The following RNF31 variants were observed in gnomAD, a reference collection of about 807,000 sequenced individuals.
The protein encoded by RNF31 is ring finger protein 31.
In RNF31, 38 loss-of-function variants were observed where a neutral mutation model predicts 133.6. The ratio of observed to expected loss-of-function variants is 0.28; its 90% CI spans 0.22 to 0.37. The LOEUF (loss-of-function observed/expected upper bound fraction) is 0.37. RNF31 is among the 10% of genes least tolerant of loss of function. The pLI is 1.00. For missense variants in RNF31, 1,118 were observed against 1,394.1 expected (o/e 0.80, Z 3.15); for synonymous variants, 582 against 552.3 (o/e 1.05, Z -0.75).
At chr14:24,152,247 C>G (rs1365054785) in intron 11 of RNF31, among the ~76,000 whole-genome samples, 2 of 152,146 alleles carry the variant, frequency 1.3e-5, no homozygotes, top group Non-Finnish European at 2.9e-5. Flanking sequence ...TACCCCCCTG[C>G]AACCCCTCCA....
intron 6 of RNF31, 37 bp from the exon 7 acceptor site, chr14:24,150,024 G>A: frequency 4.6e-6 from 7 of 1,519,100 alleles, no homozygotes; most frequent in Non-Finnish European, 6.2e-6. Context: ...GGCACCAGGT[G>A]CCACTTCAGC....
chr14:24,149,996 T>C, intron 6 of RNF31, 65 bp from the exon 7 acceptor site: 1 of 1,507,070 alleles, frequency 6.6e-7, no homozygotes, highest in Non-Finnish European at 8.8e-7. Flanking sequence ...TGGAGAATGC[T>C]TAGAGGTGAG....
chr14:24,146,926 T>C (rs945278679), upstream of RNF31: 2 of 389,170 alleles, frequency 5.1e-6, no homozygotes, highest in Non-Finnish European at 9.5e-6. Context: ...GGTGGGAGTA[T>C]GGCAAAGGGG....
chr14:24,150,922 G>A, intron 8 of RNF31, 34 bp downstream of exon 8: 2 of 1,536,138 alleles, frequency 1.3e-6, no homozygotes, highest in Non-Finnish European at 1.8e-6. Context: ...GTAGGGCTGA[G>A]CTGGTCTGGG....
chr14:24,147,527 G>A lies in RNF31; in HGVS notation c.-172G>A. ...TACTTCCTGTTCTCGGCTAACCCTGGCGCTGGGCCGGGGGCTGGAGAGTGA... is the reference window on the plus strand; with the variant it reads ...TACTTCCTGTTCTCGGCTAACCCTGACGCTGGGCCGGGGGCTGGAGAGTGA... On this transcript the variant is annotated 5_prime_UTR_variant, in exon 1 of 21. Transcript: ENST00000324103. The A allele has an allele frequency of 2.0e-6, 1 of 503,582 alleles. No homozygotes were observed. Among genetic ancestry groups the A allele is most frequent in the Non-Finnish European group, 3.3e-6 (1 of 306,914 alleles). 31.2% of individuals were successfully genotyped at this position (503,582 alleles called of 1,614,324 possible).
Position 24,155,842 on chromosome 14 carries a change from G to A in RNF31, c.2493+150G>A. 2 of 641,288 alleles carry A rather than the reference G, an allele frequency of 3.1e-6. No homozygotes were observed. The highest frequency in any genetic ancestry group is 1.8e-5 in the South Asian group (1 of 54,220). The allele number at this position is 641,288 out of a possible 1,614,324, so 39.7% of individuals were successfully genotyped here. ...GACTACTCAGAAAGACTAGGCACAAGGAGAAAGGGAAGCAGAGGGAGGGAG... is the reference window on the plus strand; with the variant it reads ...GACTACTCAGAAAGACTAGGCACAAAGAGAAAGGGAAGCAGAGGGAGGGAG... On this transcript the variant is annotated intron_variant, in intron 14 of 20. Coordinates refer to ENST00000324103, the MANE Select transcript of RNF31 (RefSeq NM_017999.5). This position sits in a 1 kb window ranked among gnomAD's most constrained non-coding sequence, Gnocchi z 4.9.
chr14:24,150,019 C>G (rs1233057834), intron 6 of RNF31, 42 bp from the exon 7 acceptor site: 1 of 1,518,200 alleles, frequency 6.6e-7, no homozygotes, highest in East Asian at 2.3e-5. Flanking sequence ...ATCCAGGCAC[C>G]AGGTGCCACT....
intron 18 of RNF31, among the ~76,000 whole-genome samples, chr14:24,159,229 C>A (rs2038400404): frequency 6.6e-6 from 1 of 151,392 alleles, no homozygotes; most frequent in Non-Finnish European, 1.5e-5. Context: ...CACCTGTAAT[C>A]CCACCTACTC....
In RNF31 at chr14:24,151,486, T is replaced by C. The variant is rs2038265532; in HGVS notation, c.1739T>C (p.Val580Ala). The change falls in exon 10 of 21, where the codon GTG (valine) becomes GCG (alanine). Residue 580 changes from valine (V) to alanine (A), a missense_variant and splice_region_variant. By Grantham distance (64) the Val-to-Ala change is moderately conservative. This residue lies in a region of RNF31 where 747 missense variants were observed against 827.9 expected (regional missense o/e 0.90). Coordinates refer to ENST00000324103, the MANE Select transcript of RNF31 (RefSeq NM_017999.5). This position sits in a 1 kb window ranked among gnomAD's most constrained non-coding sequence, Gnocchi z 5.3. ...CCCCTTGCCACTCCCATCTTGCAGG[T>C]GCAGGAGCTCCAGTCTCTAGGCTTT... ...EECVRTRRRKVQELQSLGFGP... is the reference protein window; with the variant it reads ...EECVRTRRRKAQELQSLGFGP... 3.1e-6 allele frequency: 5 copies of C among 1,614,122 alleles called. No individual in the cohort carries two copies. The highest frequency in any genetic ancestry group is 3.4e-6 in the Non-Finnish European group (4 of 1,179,950).
Position 24,147,837 on chromosome 14 carries a change from C to G in RNF31, c.139C>G (p.Arg47Gly), listed in dbSNP as rs752362112. 3.1e-6 allele frequency: 5 copies of G among 1,609,168 alleles called. No individual in the cohort carries two copies. The African/African-American group carries it at 5.3e-5, about 17-fold the overall frequency. ...AGCCAGCTCTCTGCCGCTAGCCGCCCGCTACCTGCAGCTGGACGCCGCACG... is the reference window on the plus strand; with the variant it reads ...AGCCAGCTCTCTGCCGCTAGCCGCCGGCTACCTGCAGCTGGACGCCGCACG... ...LLASSLPLAARYLQLDAARLV... is the reference protein window; with the variant it reads ...LLASSLPLAAGYLQLDAARLV... Residue 47 changes from arginine to glycine, a missense_variant, in exon 1 of 21, where the codon CGC (arginine) becomes GGC (glycine). Physicochemically the swap from Arg to Gly is moderately radical, Grantham distance 125. Transcript: ENST00000324103.
chr14:24,154,086 C>T (rs2038307305), intron 11 of RNF31, among the ~76,000 whole-genome samples: 1 of 152,194 alleles, frequency 6.6e-6, no homozygotes. Context: ...ACCTCTGCCT[C>T]CCGGTTCAAG....
chr14:24,149,449 C>T lies in RNF31; in HGVS notation c.675C>T (p.Gly225=), dbSNP rs1035618227. The change falls in exon 6 of 21, where the codon GGC becomes GGT. Residue 225 remains glycine (G), a synonymous_variant. Transcript: ENST00000324103. ...GPCFLCGSAP[G]TLHCPSCKQA... ...GCTTCCTCTGTGGTTCTGCCCCAGG[C>T]ACACTGCACTGCCCATCCTGTAAAC... The T allele has an allele frequency of 6.2e-7, 1 of 1,614,204 alleles. No homozygotes were observed. Among genetic ancestry groups the T allele is most frequent in the Admixed American group, 1.7e-5 (1 of 60,020 alleles).
chr14:24,152,228 A>G (rs1006793106), intron 11 of RNF31, among the ~76,000 whole-genome samples: 2 of 150,976 alleles, frequency 1.3e-5, no homozygotes, highest in African/African-American at 4.8e-5. Context: ...ACTGTATAAC[A>G]AATTCCCATA....
In RNF31 at chr14:24,147,649, C is replaced by T; in HGVS notation, c.-50C>T. 2.2e-6 allele frequency: 3 copies of T among 1,358,746 alleles called. No homozygotes were observed. Among genetic ancestry groups the T allele is most frequent in the Non-Finnish European group, 1.9e-6 (2 of 1,061,292 alleles). 84.2% of individuals were successfully genotyped at this position (1,358,746 alleles called of 1,614,324 possible). The stretch of plus-strand genomic sequence containing the variant: ...GGCGGCGCTCGGGCCGCGCGCTGCC[C>T]GCGCCGGGTCCTGGCGGGCGGCGAG... On this transcript the variant is annotated 5_prime_UTR_variant, in exon 1 of 21. Coordinates refer to ENST00000324103, the MANE Select transcript of RNF31 (RefSeq NM_017999.5).
Position 24,155,084 on chromosome 14 carries a change from C to T in RNF31, c.2131-73C>T. Reference sequence around the variant, plus strand: ...TAGACCCTGATTTCTTAGTGGACACCTGGCCACTGCCTCTTCCCTAGCCTG... The same window carrying T: ...TAGACCCTGATTTCTTAGTGGACACTTGGCCACTGCCTCTTCCCTAGCCTG... On this transcript the variant is annotated intron_variant, in intron 11 of 20. Coordinates refer to ENST00000324103, the MANE Select transcript of RNF31 (RefSeq NM_017999.5). The surrounding 1 kb of genome is among the most constrained non-coding windows in gnomAD (Gnocchi z 4.9). The T allele has an allele frequency of 6.8e-7, 1 of 1,460,530 alleles. No homozygotes were observed. Among genetic ancestry groups the T allele is most frequent in the South Asian group, 1.2e-5 (1 of 81,948 alleles). The allele number at this position is 1,460,530 out of a possible 1,614,324, so 90.5% of individuals were successfully genotyped here. A position where few individuals can be genotyped will look rare whatever the true frequency, so the allele number is the denominator to read the frequency against.
At chr14:24,159,788 C>A in intron 18 of RNF31, 76 bp from the exon 19 acceptor site, 1 of 1,197,758 alleles carries the variant, frequency 8.3e-7, no homozygotes, top group Non-Finnish European at 1.2e-6. Context: ...CCTTCCCTGC[C>A]TTGTGGATAT....
chr14:24,148,272 G>T lies in RNF31; in HGVS notation c.354G>T (p.Val118=), dbSNP rs371782387. 22 of 1,614,160 alleles carry T rather than the reference G, an allele frequency of 1.4e-5. No homozygotes were observed. In the African/African-American group the frequency reaches 2.9e-4, roughly 22 times the overall value. Residue 118 remains valine (V), a synonymous_variant, in exon 3 of 21, where the codon GTG becomes GTT. Coordinates refer to ENST00000324103, the MANE Select transcript of RNF31 (RefSeq NM_017999.5). ...TVDAVQGGRD[V]LRLYGYTEEQ... ...ATGTGTGGCAGGGGGGCCGAGATGTGCTGCGATTATATGGCTACACAGAGG... is the reference window on the plus strand; with the variant it reads ...ATGTGTGGCAGGGGGGCCGAGATGTTCTGCGATTATATGGCTACACAGAGG...
In RNF31 at chr14:24,148,798, C is replaced by T; in HGVS notation, c.556-3C>T. Reference sequence around the variant, plus strand: ...TATTCATTCCCTGCCCTTTCTTTTTCAGATGCTGCAGCTTTCAGAATTTGA... The same window carrying T: ...TATTCATTCCCTGCCCTTTCTTTTTTAGATGCTGCAGCTTTCAGAATTTGA... On this transcript the variant is annotated splice_polypyrimidine_tract_variant and splice_region_variant and intron_variant, in intron 4 of 20. Transcript: ENST00000324103. 1 of 1,614,164 alleles carries T rather than the reference C, an allele frequency of 6.2e-7. No homozygotes were observed. The highest frequency in any genetic ancestry group is 8.5e-7 in the Non-Finnish European group (1 of 1,180,028).
chr14:24,152,093 G>A, intron 11 of RNF31, 101 bp downstream of exon 11: 1 of 1,241,296 alleles, frequency 8.1e-7, no homozygotes, highest in Non-Finnish European at 1.1e-6. Context: ...CTGCTCTTCA[G>A]TTGCCCATAT....
Sources: gnomAD v4.1 joint callset for allele counts (sites outside exome capture counted in the v4.1 genomes callset) on GRCh38, gnomAD v4.1.1 for gene constraint, gnomAD v4.1.1 regional missense constraint, Gnocchi (gnomAD v3.1) non-coding constraint, MANE v1.5 for transcripts, NCBI Gene and HGNC (gene_info 2026-07-23, HGNC 2026-07-21) for gene names.